FHIT: variants seen among roughly 807,000 people sequenced by gnomAD.
FHIT encodes the protein fragile histidine triad diadenosine triphosphatase, also known as bis(5'-adenosyl)-triphosphatase.
In FHIT, 19 loss-of-function variants were observed where a neutral mutation model predicts 17.9. That is an observed-to-expected ratio of 1.06 (90% confidence interval 0.74 to 1.56). The LOEUF (loss-of-function observed/expected upper bound fraction) is 1.56, where lower values mean the gene tolerates loss of function less well. FHIT is among the 40% of genes most tolerant of loss of function. The probability of loss-of-function intolerance (pLI) is 0.00; values close to 1 mark genes in which losing one functional copy is unlikely to be tolerated. For synonymous variants in FHIT, 81 were observed against 69.7 expected (o/e 1.16, Z -0.81); for missense variants, 248 against 189.2 (o/e 1.31, Z -1.82).
chr3:60,725,769 G>C (rs547915364), intron 4 of FHIT, among the ~76,000 whole-genome samples: 1 of 152,272 alleles, frequency 6.6e-6, no homozygotes, highest in Admixed American at 6.5e-5. Context: ...GTAACTAGCA[G>C]ATATTTTGTA....
chr3:60,527,582 TG>T (rs1559514173), intron 5 of FHIT, among the ~76,000 whole-genome samples: 1 of 152,146 alleles, frequency 6.6e-6, no homozygotes, highest in Non-Finnish European at 1.5e-5. Flanking sequence ...TAGATGGCAG[TG>T]GAGAGTAAGG....
intron 5 of FHIT, among the ~76,000 whole-genome samples, chr3:60,419,671 C>T (rs535334976): frequency 6.6e-5 from 10 of 152,142 alleles, no homozygotes; most frequent in African/African-American, 1.2e-4. Flanking sequence ...CTAAGAGTTC[C>T]GTCTTTCTCT....
chr3:60,933,984 C>T (rs1040847084), intron 3 of FHIT, among the ~76,000 whole-genome samples: 6 of 152,158 alleles, frequency 3.9e-5, no homozygotes, highest in African/African-American at 7.2e-5. Flanking sequence ...TGTGGAAGGG[C>T]ATGGAATGGG....
intron 4 of FHIT, among the ~76,000 whole-genome samples, chr3:60,792,266 T>C (rs1700804652): frequency 6.6e-6 from 1 of 152,246 alleles, no homozygotes; most frequent in South Asian, 2.1e-4. Flanking sequence ...AGGGCTTTTT[T>C]TGTAAGTGTG....
intron 5 of FHIT, among the ~76,000 whole-genome samples, chr3:60,476,990 G>T (rs1404817758): frequency 6.6e-6 from 1 of 151,662 alleles, no homozygotes; most frequent in African/African-American, 2.4e-5. Flanking sequence ...TATATGTATG[G>T]TTTGTATATG....
intron 3 of FHIT, among the ~76,000 whole-genome samples, chr3:60,828,879 AAAAC>A (rs782693461): frequency 3.9e-5 from 6 of 152,156 alleles, no homozygotes; most frequent in Non-Finnish European, 7.4e-5. Flanking sequence ...ATGCTGTCTC[AAAAC>A]AAACAAATAA....
chr3:60,835,206 C>G (rs1356222687), intron 3 of FHIT, among the ~76,000 whole-genome samples: 2 of 152,064 alleles, frequency 1.3e-5, no homozygotes, highest in Non-Finnish European at 2.9e-5. Context: ...TTTAGCTACT[C>G]TAGTTCCTTT....
At chr3:60,684,177 C>T (rs543152501) in intron 4 of FHIT, among the ~76,000 whole-genome samples, 1 of 152,000 alleles carries the variant, frequency 6.6e-6, no homozygotes, top group Non-Finnish European at 1.5e-5. Context: ...GCAAAGATCC[C>T]TCCAGAGGCT....
At chr3:60,047,886 G>A (rs1312123238) in intron 5 of FHIT, among the ~76,000 whole-genome samples, 3 of 152,150 alleles carry the variant, frequency 2.0e-5, no homozygotes, top group African/African-American at 4.8e-5. Flanking sequence ...GCTATCTGAT[G>A]TATTTTAAAA....
intron 5 of FHIT, among the ~76,000 whole-genome samples, chr3:60,100,857 T>C (rs1466354125): frequency 6.6e-6 from 1 of 152,186 alleles, no homozygotes; most frequent in African/African-American, 2.4e-5. Context: ...TTTAATTTTG[T>C]TCTCTTGTTA....
At chr3:60,068,672 T>C (rs1340921482) in intron 5 of FHIT, among the ~76,000 whole-genome samples, 5 of 152,202 alleles carry the variant, frequency 3.3e-5, no homozygotes, top group Admixed American at 6.5e-5. Context: ...AAATACTTGA[T>C]TTCATACACA....
chr3:60,255,232 C>T (rs182600922), intron 5 of FHIT, among the ~76,000 whole-genome samples: 1 of 152,258 alleles, frequency 6.6e-6, no homozygotes, highest in East Asian at 1.9e-4. Context: ...GTGTAAACAA[C>T]TCTATCACAC....
chr3:60,045,644 C>T (rs1355961083), intron 5 of FHIT, among the ~76,000 whole-genome samples: 2 of 152,176 alleles, frequency 1.3e-5, no homozygotes, highest in Non-Finnish European at 2.9e-5. Flanking sequence ...TTCCCTCTCT[C>T]CCTACCTCCC....
At chr3:60,259,609 T>C (rs1264169307) in intron 5 of FHIT, among the ~76,000 whole-genome samples, 1 of 152,104 alleles carries the variant, frequency 6.6e-6, no homozygotes, top group Non-Finnish European at 1.5e-5. Context: ...CCTTGCTAAA[T>C]CCTTAGAGTA....
chr3:61,021,100 C>T (rs909370252), intron 3 of FHIT, among the ~76,000 whole-genome samples: 1 of 152,118 alleles, frequency 6.6e-6, no homozygotes, highest in Non-Finnish European at 1.5e-5. Context: ...TTTAACACCC[C>T]ACTGTCAATA....
chr3:59,762,528 T>C (rs1169279716), intron 8 of FHIT, among the ~76,000 whole-genome samples: 1 of 152,064 alleles, frequency 6.6e-6, no homozygotes, highest in African/African-American at 2.4e-5. Flanking sequence ...CACTAGTGGA[T>C]CCAGACATGC....
chr3:60,136,133 T>A (rs1034797603), intron 5 of FHIT, among the ~76,000 whole-genome samples: 1 of 152,124 alleles, frequency 6.6e-6, no homozygotes, highest in African/African-American at 2.4e-5. Context: ...GGGATATATA[T>A]TTATCTGTTG....
chr3:60,173,907 A>ATTTTTTTT (rs1559698562), intron 5 of FHIT, among the ~76,000 whole-genome samples: 1 of 73,354 alleles, frequency 1.4e-5, no homozygotes, highest in Non-Finnish European at 2.5e-5. Context: ...ATATATATAT[A>ATTTTTTTT]TATATATATG....
intron 3 of FHIT, among the ~76,000 whole-genome samples, chr3:60,949,789 A>T (rs6788585): frequency 0.021 from 3,193 of 152,324 alleles, 112 homozygotes; most frequent in African/African-American, 0.072. Context: ...GCAGAATTAA[A>T]ATGAAAGAAA....
Sources: gnomAD v4.1 joint callset for allele counts (sites outside exome capture counted in the v4.1 genomes callset) on GRCh38, gnomAD v4.1.1 for gene constraint, MANE v1.5 for transcripts, NCBI Gene and HGNC (gene_info 2026-07-23, HGNC 2026-07-21) for gene names.